TRABD2B: variants seen among roughly 807,000 people sequenced by gnomAD.
TRABD2B encodes TraB domain containing 2B.
A neutral mutation model predicts 40.1 loss-of-function variants in TRABD2B; 14 were observed. The observed-to-expected ratio is 0.35, with a 90% CI of 0.23 to 0.55. The LOEUF is 0.55. Ranked by LOEUF, TRABD2B falls within the 20% of genes least tolerant of loss-of-function variation. The pLI is 0.90. For missense variants in TRABD2B, 541 were observed against 648.6 expected (o/e 0.83, Z 1.80); for synonymous variants, 263 against 277.0 (o/e 0.95, Z 0.50).
At chr1:47,794,528 G>A in intron 4 of TRABD2B, 58 bp downstream of exon 4, 1 of 1,465,034 alleles carries the variant, frequency 6.8e-7, no homozygotes, top group Non-Finnish European at 9.0e-7. Flanking sequence ...GGTTAGGGGA[G>A]AGCCAAGCAA....
At chr1:47,891,693 T>C (rs1644447487) in intron 2 of TRABD2B, among the ~76,000 whole-genome samples, 1 of 151,960 alleles carries the variant, frequency 6.6e-6, no homozygotes, top group Non-Finnish European at 1.5e-5. Flanking sequence ...TCCCAGCAAC[T>C]TGGGAGACAG....
At chr1:47,874,715 G>T (rs1644198620) in intron 2 of TRABD2B, among the ~76,000 whole-genome samples, 1 of 151,390 alleles carries the variant, frequency 6.6e-6, no homozygotes, top group Non-Finnish European at 1.5e-5. Flanking sequence ...CGACCGACAT[G>T]CACCACCAGG....
intron 2 of TRABD2B, among the ~76,000 whole-genome samples, chr1:47,829,826 A>G (rs1282462916): frequency 6.6e-6 from 1 of 152,196 alleles, no homozygotes; most frequent in Non-Finnish European, 1.5e-5. Flanking sequence ...TGTTCTTAGG[A>G]GAAAGTCAGT....
intron 2 of TRABD2B, among the ~76,000 whole-genome samples, chr1:47,898,989 C>T (rs896853715): frequency 1.3e-5 from 2 of 152,222 alleles, no homozygotes; most frequent in Admixed American, 6.5e-5. Flanking sequence ...CGGCCTTCAC[C>T]ACCTACATGT....
intron 2 of TRABD2B, among the ~76,000 whole-genome samples, chr1:47,852,212 C>T (rs748271864): frequency 5.9e-5 from 9 of 152,110 alleles, no homozygotes; most frequent in East Asian, 1.9e-4. Context: ...GCCCAGACTG[C>T]GGCCTGAGAT....
rs1160419063 is a variant in TRABD2B, at chr1:47,813,507, CCTAGGACCTG to C, written c.667-11898_667-11889del. On this transcript the variant is annotated intron_variant, in intron 2 of 6. Coordinates refer to ENST00000606738, the MANE Select transcript of TRABD2B (RefSeq NM_001194986.2). This position sits in a 1 kb window ranked among gnomAD's most constrained non-coding sequence, Gnocchi z 4.3. ...GGCAGAGATCTGACCCAGTTTTAAACCTAGGACCTGCTACATGCAGGCTGTGTGAAGTTCT... is the reference window on the plus strand; with the variant it reads ...GGCAGAGATCTGACCCAGTTTTAAACCTACATGCAGGCTGTGTGAAGTTCT... 6.6e-6 allele frequency among the ~76,000 whole-genome samples: 1 copy of C among 152,220 alleles called. No individual in the cohort carries two copies. The highest frequency in any genetic ancestry group is 1.5e-5 in the Non-Finnish European group (1 of 68,044).
At position 47,842,452 on chromosome 1, in the gene TRABD2B, G is replaced by T. The variant is rs115160380; in HGVS notation, c.667-40833C>A. Among the ~76,000 whole-genome samples, 24 of 152,236 alleles carry T rather than the reference G, an allele frequency of 1.6e-4. No individual in the cohort carries two copies. The South Asian group carries it at 2.7e-3, about 17-fold the overall frequency. The stretch of plus-strand genomic sequence containing the variant: ...CCCTGCTGGGGCTATACCCTCCCAG[G>T]GGGGAGGATACTGGTCCTACAGACA... On this transcript the variant is annotated intron_variant, in intron 2 of 6. Coordinates refer to ENST00000606738, the MANE Select transcript of TRABD2B (RefSeq NM_001194986.2).
At chr1:47,897,972 T>G (rs1349601617) in intron 2 of TRABD2B, among the ~76,000 whole-genome samples, 1 of 152,236 alleles carries the variant, frequency 6.6e-6, no homozygotes, top group Non-Finnish European at 1.5e-5. Flanking sequence ...TGGAAGTTAC[T>G]TTTATCCTAT....
At chr1:47,918,290 G>T (rs146367178) in intron 2 of TRABD2B, among the ~76,000 whole-genome samples, 1 of 152,330 alleles carries the variant, frequency 6.6e-6, no homozygotes, top group African/African-American at 2.4e-5. Flanking sequence ...TGGCAACTGT[G>T]CTACAACTGT....
chr1:47,990,778 TATATATATATATA>T lies in TRABD2B; in HGVS notation c.666+3243_666+3255del, dbSNP rs1645994545. The stretch of plus-strand genomic sequence containing the variant: ...GGTTTTAAAACGTTGGTTTTATATA[TATATATATATATA>T]TATATATATATATATATATATATAT... On this transcript the variant is annotated intron_variant, in intron 2 of 6. Coordinates refer to ENST00000606738, the MANE Select transcript of TRABD2B (RefSeq NM_001194986.2). 7.5e-4 allele frequency among the ~76,000 whole-genome samples: 3 copies of T among 4,010 alleles called. 1 individual carries two copies. Among genetic ancestry groups the T allele is most frequent in the Admixed American group, 7.2e-3 (3 of 418 alleles). 2.6% of individuals were successfully genotyped at this position (4,010 alleles called of 152,430 possible).
In TRABD2B at chr1:47,996,167, C is replaced by A. The variant is rs1048077740; in HGVS notation, c.102+521G>T. Among the ~76,000 whole-genome samples the A allele has an allele frequency of 6.6e-6, 1 of 151,936 alleles. No individual in the cohort carries two copies. The highest frequency in any genetic ancestry group is 1.5e-5 in the Non-Finnish European group (1 of 67,994). On this transcript the variant is annotated intron_variant, in intron 1 of 6. Transcript: ENST00000606738. This position sits in a 1 kb window ranked among gnomAD's most constrained non-coding sequence, Gnocchi z 4.6. ...GGAGAGTAGGTGGTGGGAGCCTGGG[C>A]CGCAGAGATGGAGGTGAGAACGAGG...
intron 4 of TRABD2B, among the ~76,000 whole-genome samples, 179 bp from the exon 5 acceptor site, chr1:47,778,723 G>A (rs942355935): frequency 3.3e-5 from 5 of 152,188 alleles, no homozygotes; most frequent in African/African-American, 9.7e-5. Flanking sequence ...GTGCCACCCT[G>A]CCTGGGTTCA....
intron 2 of TRABD2B, among the ~76,000 whole-genome samples, chr1:47,863,392 A>ATATATATATATATATATG (rs1425367477): frequency 2.2e-5 from 3 of 133,576 alleles, no homozygotes; most frequent in African/African-American, 8.3e-5. Context: ...ATATATATAT[A>ATATATATATATATATATG]TAATCTCTTA....
intron 2 of TRABD2B, among the ~76,000 whole-genome samples, chr1:47,852,197 G>C (rs904345332): frequency 1.3e-5 from 2 of 152,172 alleles, no homozygotes; most frequent in African/African-American, 4.8e-5. Flanking sequence ...TGGAATGAGA[G>C]CTGGGCCCAG....
intron 2 of TRABD2B, among the ~76,000 whole-genome samples, chr1:47,920,765 G>C (rs1471457274): frequency 6.6e-6 from 1 of 152,202 alleles, no homozygotes; most frequent in Non-Finnish European, 1.5e-5. Context: ...CTGAGCACAG[G>C]GTTGCGTGCT....
chr1:47,992,699 G>C (rs751861783), intron 2 of TRABD2B, among the ~76,000 whole-genome samples: 1 of 152,210 alleles, frequency 6.6e-6, no homozygotes, highest in Non-Finnish European at 1.5e-5. Flanking sequence ...GGGAGAAAGC[G>C]GCTATGTTCA....
chr1:47,800,012 CT>C (rs1644800329), intron 3 of TRABD2B, among the ~76,000 whole-genome samples: 1 of 16,962 alleles, frequency 5.9e-5, no homozygotes, highest in African/African-American at 3.1e-4. Flanking sequence ...TATTTCATTC[CT>C]TCCTTCCTTC....
chr1:47,955,975 T>C (rs1645415704), intron 2 of TRABD2B, among the ~76,000 whole-genome samples: 1 of 152,240 alleles, frequency 6.6e-6, no homozygotes, highest in South Asian at 2.1e-4. Context: ...CTCTGTATCC[T>C]GGCCTACCTA....
At position 47,952,813 on chromosome 1, in the gene TRABD2B, A is replaced by G. The variant is rs185089369; in HGVS notation, c.666+41221T>C. Reference sequence around the variant, plus strand: ...AAATGAACTATCCCCAGTCTTACAGAACTACTCTCCCACATGACCTGTCTC... The same window carrying G: ...AAATGAACTATCCCCAGTCTTACAGGACTACTCTCCCACATGACCTGTCTC... On this transcript the variant is annotated intron_variant, in intron 2 of 6. Transcript: ENST00000606738. Among the ~76,000 whole-genome samples the G allele has an allele frequency of 2.0e-5, 3 of 152,262 alleles. No individual in the cohort carries two copies. The East Asian group carries it at 5.8e-4, about 29-fold the overall frequency.
Sources: gnomAD v4.1 joint callset for allele counts (sites outside exome capture counted in the v4.1 genomes callset) on GRCh38, gnomAD v4.1.1 for gene constraint, Gnocchi (gnomAD v3.1) non-coding constraint, MANE v1.5 for transcripts, NCBI Gene and HGNC (gene_info 2026-07-23, HGNC 2026-07-21) for gene names.